ADA2: variants seen among roughly 807,000 people sequenced by gnomAD.
The protein encoded by ADA2 is adenosine deaminase CECR1.
ADA2 carries 29 observed loss-of-function variants against 44.2 expected under a neutral mutation model. The observed-to-expected ratio is 0.66, with a 90% confidence interval of 0.49 to 0.89. The LOEUF (loss-of-function observed/expected upper bound fraction) is 0.89. Among genes scored for constraint, ADA2 ranks in the 40% least tolerant of loss-of-function variants. The pLI is 0.00. For synonymous variants in ADA2, 215 were observed against 234.9 expected (o/e 0.92, Z 0.77); for missense variants, 637 against 644.8 (o/e 0.99, Z 0.13).
chr22:17,190,216 T>C (rs544991700), intron 5 of ADA2, among the ~76,000 whole-genome samples, 184 bp from the exon 6 acceptor site: 2 of 152,366 alleles, frequency 1.3e-5, no homozygotes, highest in South Asian at 4.1e-4. Flanking sequence ...GAGAGATATG[T>C]AGCCCAAATC....
intron 2 of ADA2, among the ~76,000 whole-genome samples, 195 bp downstream of exon 2, chr22:17,209,161 G>A (rs144002080): frequency 6.2e-4 from 94 of 152,070 alleles, no homozygotes; most frequent in African/African-American, 2.2e-3. Context: ...GACTGTCTGC[G>A]AGTCCCCCAG....
At chr22:17,190,801 TG>T (rs1452999976) in intron 5 of ADA2, among the ~76,000 whole-genome samples, 8 of 152,202 alleles carry the variant, frequency 5.3e-5, no homozygotes, top group Non-Finnish European at 1.2e-4. Context: ...AGGGAGCCTC[TG>T]AGCAGAACGT....
At chr22:17,205,935 G>C (rs1161042071) in intron 3 of ADA2, among the ~76,000 whole-genome samples, 2 of 152,224 alleles carry the variant, frequency 1.3e-5, no homozygotes, top group Non-Finnish European at 2.9e-5. Flanking sequence ...GGGAGGTTGA[G>C]TCTGAAGTGA....
intron 2 of ADA2, among the ~76,000 whole-genome samples, chr22:17,208,425 AAAAAAAAAAG>A (rs1249799754): frequency 3.0e-5 from 4 of 131,784 alleles, no homozygotes; most frequent in Admixed American, 8.1e-5. Context: ...CTCCGTCTCA[AAAAAAAAAAG>A]AAAAAAAAAG....
At chr22:17,182,534 A>T in intron 8 of ADA2, 70 bp downstream of exon 8, 1 of 1,493,676 alleles carries the variant, frequency 6.7e-7, no homozygotes, top group Non-Finnish European at 9.3e-7. Flanking sequence ...TTATACAGCA[A>T]AAAGTTTAAG....
At chr22:17,185,126 A>G (rs2062021470) in intron 7 of ADA2, among the ~76,000 whole-genome samples, 1 of 149,034 alleles carries the variant, frequency 6.7e-6, no homozygotes, top group South Asian at 2.1e-4. Flanking sequence ...AAAAATAAGG[A>G]TATTGGCCGG....
chr22:17,193,117 CAGT>C, intron 4 of ADA2: 1 of 1,332,624 alleles, frequency 7.5e-7, no homozygotes, highest in South Asian at 1.2e-5. Flanking sequence ...ACACGCTGCC[CAGT>C]GGCTTCCAGA....
chr22:17,193,392 C>T (rs1011465428), intron 4 of ADA2: 43 of 405,314 alleles, frequency 1.1e-4, no homozygotes, highest in African/African-American at 9.0e-4. Flanking sequence ...AAAAGGACAG[C>T]GCGGTGGCTC....
intron 4 of ADA2, among the ~76,000 whole-genome samples, chr22:17,202,797 T>G (rs1484186260): frequency 6.6e-6 from 1 of 151,146 alleles, no homozygotes; most frequent in Non-Finnish European, 1.5e-5. Context: ...GTGTGTGTGT[T>G]TTTTGAGACA....
intron 7 of ADA2, among the ~76,000 whole-genome samples, chr22:17,187,166 C>CAA (rs34453748): frequency 0.037 from 4,753 of 127,218 alleles, 112 homozygotes; most frequent in African/African-American, 0.057. Flanking sequence ...GACTCCATCT[C>CAA]AAAAAAAAAA....
At chr22:17,210,192 ATTTT>A (rs35411316) in intron 1 of ADA2, among the ~76,000 whole-genome samples, 2 of 134,742 alleles carry the variant, frequency 1.5e-5, no homozygotes, top group Non-Finnish European at 1.6e-5. Flanking sequence ...ACCACCTGGC[ATTTT>A]TTTTTTTTTT....
At chr22:17,193,607 G>A (rs1001892972) in intron 4 of ADA2, among the ~76,000 whole-genome samples, 8 of 150,362 alleles carry the variant, frequency 5.3e-5, no homozygotes, top group African/African-American at 2.0e-4. Flanking sequence ...GGCAGAGGTT[G>A]CTGTGAGCCA....
In ADA2 at chr22:17,179,940, G is replaced by A. The variant is rs1299105701; in HGVS notation, c.*1543C>T. ...AGGTCAGGTGTTCGAGACCAGCCTG[G>A]CCAACATAGTGAAACCCCATCTCTA... On this transcript the variant is annotated 3_prime_UTR_variant, in exon 10 of 10. Coordinates refer to ENST00000399837, the MANE Select transcript of ADA2 (RefSeq NM_001282225.2). 2.0e-5 allele frequency: 3 copies of A among 152,240 alleles called. No homozygotes were observed. The highest frequency in any genetic ancestry group is 1.3e-4 in the Admixed American group (2 of 15,280). The allele number at this position is 152,240 out of a possible 1,614,324, so 9.4% of individuals were successfully genotyped here.
intron 1 of ADA2, among the ~76,000 whole-genome samples, chr22:17,218,305 T>C (rs1402564602): frequency 6.6e-6 from 1 of 152,190 alleles, no homozygotes; most frequent in Admixed American, 6.5e-5. Context: ...CCAGCTCAGT[T>C]ATTCTGTAGT....
chr22:17,206,935 T>A (rs945366612), intron 3 of ADA2, 136 bp downstream of exon 3: 7 of 661,524 alleles, frequency 1.1e-5, no homozygotes, highest in Non-Finnish European at 1.8e-5. Flanking sequence ...ATTATAGGCG[T>A]GAACCACCGC....
chr22:17,189,980 G>T lies in ADA2; in HGVS notation c.934C>A (p.Arg312=). 6.2e-7 allele frequency: 1 copy of T among 1,613,962 alleles called. No individual in the cohort carries two copies. The highest frequency in any genetic ancestry group is 8.5e-7 in the Non-Finnish European group (1 of 1,179,884). Residue 312 remains arginine, a synonymous_variant, in exon 6 of 10, where the codon CGA becomes AGA. Coordinates refer to ENST00000399837, the MANE Select transcript of ADA2 (RefSeq NM_001282225.2). ...AESIRMAMGL[R]IKFPTVVAGF... is the part of the protein sequence containing the mutation. ...GCCACCACCGTGGGGAACTTGATTC[G>T]GAGCCCCATGGCCATTCGGATGGAT...
intron 4 of ADA2, chr22:17,199,641 C>T (rs1159101905): frequency 1.2e-6 from 2 of 1,613,406 alleles, no homozygotes; most frequent in Non-Finnish European, 8.5e-7. Context: ...TTGAGGTGGG[C>T]GTGGCTATTA....
At chr22:17,199,625 C>T in intron 4 of ADA2, 1 of 1,613,994 alleles carries the variant, frequency 6.2e-7, no homozygotes, top group Non-Finnish European at 8.5e-7. Context: ...TCTCTGGGAT[C>T]GCCATTTGAG....
intron 4 of ADA2, among the ~76,000 whole-genome samples, chr22:17,201,116 C>G (rs8142722): frequency 3.2e-4 from 48 of 149,986 alleles, no homozygotes; most frequent in African/African-American, 1.1e-3. Context: ...GGCTGAGGCA[C>G]GAGAATCGCT....
Sources: allele counts gnomAD v4.1 joint callset (sites outside exome capture counted in the v4.1 genomes callset), GRCh38; gene constraint gnomAD v4.1.1; transcripts MANE v1.5; gene names NCBI Gene and HGNC (gene_info 2026-07-23, HGNC 2026-07-21).